SLC43A1: variants seen among roughly 807,000 people sequenced by gnomAD.
SLC43A1 encodes large neutral amino acids transporter small subunit 3.
A neutral mutation model predicts 59.5 loss-of-function variants in SLC43A1; 31 were observed. The observed-to-expected ratio is 0.52, with a 90% CI of 0.39 to 0.70. The LOEUF (loss-of-function observed/expected upper bound fraction) is 0.70. Among genes scored for constraint, SLC43A1 ranks in the 30% least tolerant of loss-of-function variants. The pLI is 0.00. For missense variants in SLC43A1, 598 were observed against 717.8 expected (o/e 0.83, Z 1.91); for synonymous variants, 259 against 290.9 (o/e 0.89, Z 1.12).
intron 2 of SLC43A1, among the ~76,000 whole-genome samples, chr11:57,502,350 G>A (rs574464936): frequency 2.0e-5 from 3 of 152,318 alleles, no homozygotes; most frequent in Admixed American, 1.3e-4. Flanking sequence ...TCTGTAAACC[G>A]GACCAAAGAA....
Position 57,514,279 on chromosome 11 carries a change from G to T in SLC43A1, c.-13-155C>A. 1.2e-6 allele frequency: 1 copy of T among 851,246 alleles called. No individual in the cohort carries two copies. The highest frequency in any genetic ancestry group is 1.8e-6 in the Non-Finnish European group (1 of 568,776). 52.7% of individuals were successfully genotyped at this position (851,246 alleles called of 1,614,324 possible). Reference sequence around the variant, plus strand: ...TGGGCTTCCCAGCCGGTGCCAAGGAGCTGGCTCCGCGCGCACTAGCAGTGC... The same window carrying T: ...TGGGCTTCCCAGCCGGTGCCAAGGATCTGGCTCCGCGCGCACTAGCAGTGC... On this transcript the variant is annotated intron_variant, in intron 1 of 14. Transcript: ENST00000278426. The surrounding 1 kb of genome is among the most constrained non-coding windows in gnomAD (Gnocchi z 5.5).
Position 57,514,211 on chromosome 11 carries a change from G to A in SLC43A1, c.-13-87C>T. The A allele has an allele frequency of 7.0e-7, 1 of 1,428,226 alleles. No individual in the cohort carries two copies. Among genetic ancestry groups the A allele is most frequent in the Non-Finnish European group, 9.2e-7 (1 of 1,089,542 alleles). 88.5% of individuals were successfully genotyped at this position (1,428,226 alleles called of 1,614,324 possible). On this transcript the variant is annotated intron_variant, in intron 1 of 14. Transcript: ENST00000278426. The surrounding 1 kb of genome is among the most constrained non-coding windows in gnomAD (Gnocchi z 5.5). The stretch of plus-strand genomic sequence containing the variant: ...TCATGGTGGCACCCGAGACCTCTCG[G>A]GCCAGCCCGCGAGGAGCCCCTCATG...
intron 8 of SLC43A1, among the ~76,000 whole-genome samples, chr11:57,492,239 A>G (rs1943928367): frequency 7.0e-6 from 1 of 142,146 alleles, no homozygotes. Context: ...TTATTTATAT[A>G]CAGAAATTAT....
At chr11:57,495,937 C>T (rs1241944993) in intron 7 of SLC43A1, 94 bp downstream of exon 7, 1 of 1,426,270 alleles carries the variant, frequency 7.0e-7, no homozygotes, top group Non-Finnish European at 9.5e-7. Context: ...AGGTCCAAGC[C>T]GAGGTCTCTC....
At chr11:57,502,660 C>T (rs913123850) in intron 2 of SLC43A1, among the ~76,000 whole-genome samples, 3 of 152,034 alleles carry the variant, frequency 2.0e-5, no homozygotes, top group Non-Finnish European at 4.4e-5. Context: ...CTCTTGAGCC[C>T]AGGAGTTCAA....
In SLC43A1 at chr11:57,491,281, C is replaced by A. The variant is rs1943889143; in HGVS notation, c.1136G>T (p.Trp379Leu). The change falls in exon 11 of 15, where the codon TGG becomes TTG. Residue 379 changes from tryptophan to leucine, a missense_variant. By Grantham distance (61) the Trp-to-Leu change is moderately conservative. Transcript: ENST00000278426. Reference sequence around the variant, plus strand: ...GGCGTCCACGCAGTCCTTGATCCGCCAGTCCATGATGTAGCCAATGAGGGG... The same window carrying A: ...GGCGTCCACGCAGTCCTTGATCCGCAAGTCCATGATGTAGCCAATGAGGGG... Reference protein sequence around the residue: ...TCPLIGYIMDWRIKDCVDAPT... With the variant: ...TCPLIGYIMDLRIKDCVDAPT... 1 of 1,611,536 alleles carries A rather than the reference C, an allele frequency of 6.2e-7. No individual in the cohort carries two copies. Among genetic ancestry groups the A allele is most frequent in the Non-Finnish European group, 8.5e-7 (1 of 1,178,650 alleles).
intron 6 of SLC43A1, among the ~76,000 whole-genome samples, 157 bp downstream of exon 6, chr11:57,497,596 G>C (rs1258049903): frequency 3.9e-5 from 6 of 152,246 alleles, no homozygotes; most frequent in Non-Finnish European, 8.8e-5. Flanking sequence ...GAGAAAGCTT[G>C]CTGTGGCCCA....
intron 11 of SLC43A1, among the ~76,000 whole-genome samples, chr11:57,489,785 G>A (rs899463602): frequency 2.6e-5 from 4 of 152,228 alleles, no homozygotes; most frequent in Non-Finnish European, 4.4e-5. Context: ...CTCTCACACC[G>A]TCTCTCATCA....
intron 2 of SLC43A1, among the ~76,000 whole-genome samples, chr11:57,503,122 A>T (rs935713268): frequency 6.6e-6 from 1 of 152,064 alleles, no homozygotes; most frequent in Non-Finnish European, 1.5e-5. Flanking sequence ...TTGACCAGCC[A>T]TGGAAGGAAC....
At chr11:57,486,994 C>A in intron 14 of SLC43A1, 101 bp downstream of exon 14, 1 of 1,303,144 alleles carries the variant, frequency 7.7e-7, no homozygotes, top group Non-Finnish European at 1.1e-6. Context: ...CTCTGAGGTG[C>A]CTCTGGCTGA....
chr11:57,493,961 C>A (rs768509683), intron 8 of SLC43A1, 32 bp downstream of exon 8: 62 of 1,547,364 alleles, frequency 4.0e-5, no homozygotes, highest in Non-Finnish European at 5.4e-5. Context: ...CATCACTATC[C>A]CCCAAGGCCG....
At chr11:57,509,393 T>C (rs1044006132) in intron 2 of SLC43A1, among the ~76,000 whole-genome samples, 5 of 151,588 alleles carry the variant, frequency 3.3e-5, no homozygotes, top group African/African-American at 1.2e-4. Context: ...ATCGAAACCA[T>C]CCTGGCCAAT....
At position 57,489,294 on chromosome 11, in the gene SLC43A1, A is replaced by T; in HGVS notation, c.1292T>A (p.Val431Glu). ...GATGAGACAGGTGATGCCAAAACCC[A>T]CAAGCAGCAGGTTGGTCAGGGTGAA... The part of the protein sequence containing the change: ...SAFTLTNLLL[V>E]GFGITCLINN... The change falls in exon 12 of 15, where the codon GTG becomes GAG. Residue 431 changes from valine to glutamate, a missense_variant. Coordinates refer to ENST00000278426, the MANE Select transcript of SLC43A1 (RefSeq NM_003627.6). 6.2e-7 allele frequency: 1 copy of T among 1,614,076 alleles called. No homozygotes were observed. The highest frequency in any genetic ancestry group is 2.2e-5 in the East Asian group (1 of 44,886).
chr11:57,491,913 CTGAT>C (rs1406670091), intron 8 of SLC43A1, 51 bp from the exon 9 acceptor site: 14 of 1,580,038 alleles, frequency 8.9e-6, no homozygotes, highest in East Asian at 2.2e-5. Context: ...CCACTGCCCT[CTGAT>C]TGTCCCAGCT....
chr11:57,502,220 C>T (rs576877086), intron 2 of SLC43A1, among the ~76,000 whole-genome samples: 4 of 152,376 alleles, frequency 2.6e-5, no homozygotes, highest in Non-Finnish European at 4.4e-5. Flanking sequence ...CAAGTTGTCA[C>T]TTGGCAGCAC....
intron 13 of SLC43A1, among the ~76,000 whole-genome samples, chr11:57,488,088 A>G (rs1423502711): frequency 5.3e-5 from 8 of 152,298 alleles, no homozygotes; most frequent in Admixed American, 3.3e-4. Flanking sequence ...GAAGAGACTT[A>G]TGTCCTGACA....
At position 57,489,387 on chromosome 11, in the gene SLC43A1, C is replaced by T. The variant is rs370085999; in HGVS notation, c.1199G>A (p.Gly400Glu). The change falls in exon 12 of 15, where the codon GGG (glycine) becomes GAG (glutamate). Residue 400 changes from glycine (G) to glutamate (E), a missense_variant. By Grantham distance (98) the Gly-to-Glu change is moderately conservative. Coordinates refer to ENST00000278426, the MANE Select transcript of SLC43A1 (RefSeq NM_003627.6). ...QGTVLGDARD[G>E]VATKSIRPRY... ...TGGTCTGATGGATTTGGTAGCAACC[C>T]CGTCCCTGAGGAGTACGGGAAGTCA... The T allele has an allele frequency of 1.2e-6, 2 of 1,614,126 alleles. No homozygotes were observed. Among genetic ancestry groups the T allele is most frequent in the Non-Finnish European group, 8.5e-7 (1 of 1,180,004 alleles).
At chr11:57,507,777 T>C (rs1289962628) in intron 2 of SLC43A1, among the ~76,000 whole-genome samples, 2 of 152,226 alleles carry the variant, frequency 1.3e-5, no homozygotes, top group Non-Finnish European at 2.9e-5. Context: ...CACTTTGTTT[T>C]ATAGACTTGG....
Position 57,514,642 on chromosome 11 carries a change from A to T in SLC43A1, c.-13-518T>A. On this transcript the variant is annotated intron_variant, in intron 1 of 14. Transcript: ENST00000278426. The surrounding 1 kb of genome is among the most constrained non-coding windows in gnomAD (Gnocchi z 5.5). The stretch of plus-strand genomic sequence containing the variant: ...CTCTCCTTCCCTCTGGGGCCGGGCG[A>T]CAGCAAGCCCTCCCCCTTTCCGTAT... 1 of 180,168 alleles carries T rather than the reference A, an allele frequency of 5.6e-6. No individual in the cohort carries two copies. The highest frequency in any genetic ancestry group is 1.1e-5 in the Non-Finnish European group (1 of 92,884). The allele number at this position is 180,168 out of a possible 1,614,324, so 11.2% of individuals were successfully genotyped here. A position where few individuals can be genotyped will look rare whatever the true frequency, so the allele number is the denominator to read the frequency against.
Sources: allele counts gnomAD v4.1 joint callset (sites outside exome capture counted in the v4.1 genomes callset), GRCh38; gene constraint gnomAD v4.1.1; non-coding constraint Gnocchi (gnomAD v3.1); transcripts MANE v1.5; gene names NCBI Gene and HGNC (gene_info 2026-07-23, HGNC 2026-07-21).